The following RABGEF1 variants were observed in gnomAD, a reference collection of about 807,000 sequenced individuals.
RABGEF1 encodes rab5 GDP/GTP exchange factor.
Under a neutral mutation model 57.3 loss-of-function variants are expected in RABGEF1, and 26 were observed. The observed-to-expected ratio is 0.45, with a 90% CI of 0.33 to 0.63. RABGEF1 has a LOEUF of 0.63. Ranked by LOEUF, RABGEF1 falls within the 20% of genes least tolerant of loss-of-function variation. The probability of loss-of-function intolerance (pLI) is 0.02; values close to 1 mark genes in which losing one functional copy is unlikely to be tolerated. For synonymous variants in RABGEF1, 185 were observed against 210.7 expected (o/e 0.88, Z 1.06); for missense variants, 464 against 607.6 (o/e 0.76, Z 2.48).
chr7:66,781,910 T>G (rs1335457375), intron 3 of RABGEF1, among the ~76,000 whole-genome samples: 1 of 152,242 alleles, frequency 6.6e-6, no homozygotes, highest in Non-Finnish European at 1.5e-5. Context: ...GGACAGACTC[T>G]GTTTGTTTCC....
chr7:66,745,768 CAA>C (rs35862923), intron 1 of RABGEF1, among the ~76,000 whole-genome samples: 82 of 118,392 alleles, frequency 6.9e-4, no homozygotes, highest in South Asian at 1.3e-3. Context: ...GACTCTATCT[CAA>C]AAAAAAAAAA....
chr7:66,737,097 A>AGCGAGAGC (rs34892493), upstream of RABGEF1, among the ~76,000 whole-genome samples: 1 of 147,540 alleles, frequency 6.8e-6, no homozygotes, highest in African/African-American at 2.5e-5. Context: ...CGAGAGCGAG[A>AGCGAGAGC]GAGAGAGAGA....
chr7:66,689,217 A>T (rs911615249), intron 1 of RABGEF1, among the ~76,000 whole-genome samples: 2 of 152,196 alleles, frequency 1.3e-5, no homozygotes, highest in Non-Finnish European at 2.9e-5. Flanking sequence ...CAAAGATTAC[A>T]GTGAAAATAA....
intron 1 of RABGEF1, among the ~76,000 whole-genome samples, chr7:66,750,772 A>C (rs1801221383): frequency 6.6e-6 from 1 of 152,226 alleles, no homozygotes; most frequent in Non-Finnish European, 1.5e-5. Context: ...CATGAGCAAT[A>C]GTGATTATGG....
At chr7:66,718,603 C>A (rs1391929353) in intron 2 of RABGEF1, among the ~76,000 whole-genome samples, 5 of 152,072 alleles carry the variant, frequency 3.3e-5, no homozygotes, top group African/African-American at 4.8e-5. Context: ...TAGGTTCAAG[C>A]TGCAACTTCC....
chr7:66,679,827 C>T (rs73135905), upstream of RABGEF1, among the ~76,000 whole-genome samples: 1 of 152,036 alleles, frequency 6.6e-6, no homozygotes, highest in Non-Finnish European at 1.5e-5. Flanking sequence ...TCCAGGACTT[C>T]GAGACCAGCC....
intron 2 of RABGEF1, among the ~76,000 whole-genome samples, chr7:66,726,471 C>T (rs1402536748): frequency 6.6e-6 from 1 of 152,026 alleles, no homozygotes; most frequent in Non-Finnish European, 1.5e-5. Context: ...TTCAAGCGAT[C>T]CTCCCACCTC....
chr7:66,672,487 G>A, the RABGEF1 span, among the ~76,000 whole-genome samples: 1 of 152,144 alleles, frequency 6.6e-6, no homozygotes, highest in Non-Finnish European at 1.5e-5. Context: ...ACTTCTGACA[G>A]TCTTACATGT....
chr7:66,708,685 G>A (rs182330867), intron 1 of RABGEF1, among the ~76,000 whole-genome samples: 42 of 152,162 alleles, frequency 2.8e-4, no homozygotes, highest in African/African-American at 9.2e-4. Flanking sequence ...GATGGCACAC[G>A]CCTGTGTTCC....
intron 1 of RABGEF1, 61 bp from the exon 2 acceptor site, chr7:66,771,821 TG>T (rs1384086966): frequency 1.1e-4 from 134 of 1,234,650 alleles, no homozygotes; most frequent in Non-Finnish European, 9.3e-5. Flanking sequence ...TGTTCATAAT[TG>T]GTAAGATTTT....
chr7:66,674,910 ATATGTG>A, the RABGEF1 span, among the ~76,000 whole-genome samples: 1 of 150,964 alleles, frequency 6.6e-6, no homozygotes, highest in East Asian at 2.0e-4. Flanking sequence ...TGTACAGTTA[ATATGTG>A]TATATTTGTT....
intron 2 of RABGEF1, among the ~76,000 whole-genome samples, 172 bp from the exon 3 acceptor site, chr7:66,775,055 T>C (rs1430048366): frequency 6.6e-6 from 1 of 152,212 alleles, no homozygotes. Flanking sequence ...AAATCTGTAG[T>C]GCATGAAGAG....
intron 1 of RABGEF1, among the ~76,000 whole-genome samples, chr7:66,753,000 G>A (rs1481008373): frequency 6.6e-6 from 1 of 152,174 alleles, no homozygotes; most frequent in Non-Finnish European, 1.5e-5. Context: ...GTGCTAAGTG[G>A]CTAAGAGCAT....
intron 3 of RABGEF1, among the ~76,000 whole-genome samples, chr7:66,778,399 T>TA: frequency 6.6e-6 from 1 of 152,330 alleles, no homozygotes; most frequent in East Asian, 1.9e-4. Flanking sequence ...AAGACTCAGT[T>TA]AAAGTGTTTT....
chr7:66,744,464 C>T (rs962083623), intron 1 of RABGEF1, among the ~76,000 whole-genome samples: 2 of 151,340 alleles, frequency 1.3e-5, no homozygotes, highest in African/African-American at 4.9e-5. Context: ...GTCAGGAGAT[C>T]AAGACCATCC....
At chr7:66,712,442 A>G (rs1326493214) in intron 2 of RABGEF1, among the ~76,000 whole-genome samples, 2 of 152,186 alleles carry the variant, frequency 1.3e-5, no homozygotes, top group East Asian at 1.9e-4. Context: ...ACTTATTTAT[A>G]GTTTTAAATA....
At chr7:66,712,199 A>G (rs1794855432) in exon 2 of RABGEF1, 1 of 152,238 alleles carries the variant, frequency 6.6e-6, no homozygotes. Context: ...TCCAACCTGT[A>G]TCAAGTCTTC....
chr7:66,672,289 G>A, the RABGEF1 span, among the ~76,000 whole-genome samples: 3 of 151,042 alleles, frequency 2.0e-5, no homozygotes, highest in Non-Finnish European at 2.9e-5. Context: ...AAAATTAGCC[G>A]GGCGCGGTGG....
chr7:66,709,280 G>A (rs181062665), intron 1 of RABGEF1, among the ~76,000 whole-genome samples: 81 of 152,176 alleles, frequency 5.3e-4, no homozygotes, highest in African/African-American at 1.8e-3. Flanking sequence ...GATTATAGGT[G>A]TGAGCCATCG....
Sources: gnomAD v4.1 joint callset for allele counts (sites outside exome capture counted in the v4.1 genomes callset) on GRCh38, gnomAD v4.1.1 for gene constraint, MANE v1.5 for transcripts, NCBI Gene and HGNC (gene_info 2026-07-23, HGNC 2026-07-21) for gene names.